ASPG: variants seen among roughly 807,000 people sequenced by gnomAD.
The protein encoded by ASPG is asparaginase.
In ASPG, 53 loss-of-function variants were observed where a neutral mutation model predicts 63.2. The observed-to-expected ratio is 0.84, with a 90% CI of 0.67 to 1.05. ASPG has a LOEUF of 1.05. ASPG is among the 50% of genes least tolerant of loss of function. The pLI is 0.00. For missense variants in ASPG, 741 were observed against 794.4 expected, an observed-to-expected ratio of 0.93 and a Z score of 0.81; for synonymous variants, 370 against 355.0, an observed-to-expected ratio of 1.04 and a Z score of -0.48.
chr14:104,109,108 G>A lies in ASPG; in HGVS notation c.1434-121G>A. 1.3e-6 allele frequency: 2 copies of A among 1,511,732 alleles called. No homozygotes were observed. Among genetic ancestry groups the A allele is most frequent in the Non-Finnish European group, 1.8e-6 (2 of 1,130,730 alleles). The allele number at this position is 1,511,732 out of a possible 1,614,324, so 93.6% of individuals were successfully genotyped here. On this transcript the variant is annotated intron_variant, in intron 12 of 15. Coordinates refer to ENST00000551177, the MANE Select transcript of ASPG (RefSeq NM_001080464.3). The surrounding 1 kb of genome is among the most constrained non-coding windows in gnomAD (Gnocchi z 4.8). ...CCCTTGTCTGAGGCTAGGGCTGTGG[G>A]GTCTTGGGCCGGCCGGTCCCCGTCC...
Position 104,109,082 on chromosome 14 carries a change from G to T in ASPG, c.1434-147G>T, listed in dbSNP as rs1371702831. Reference sequence around the variant, plus strand: ...GCCTAGGCAGAGGATGGGGGGATGGGCCCTTGTCTGAGGCTAGGGCTGTGG... The same window carrying T: ...GCCTAGGCAGAGGATGGGGGGATGGTCCCTTGTCTGAGGCTAGGGCTGTGG... On this transcript the variant is annotated intron_variant, in intron 12 of 15. Coordinates refer to ENST00000551177, the MANE Select transcript of ASPG (RefSeq NM_001080464.3). The surrounding 1 kb of genome is among the most constrained non-coding windows in gnomAD (Gnocchi z 4.8). 1 of 1,476,762 alleles carries T rather than the reference G, an allele frequency of 6.8e-7. No homozygotes were observed. Among genetic ancestry groups the T allele is most frequent in the Non-Finnish European group, 9.0e-7 (1 of 1,114,606 alleles). The allele number at this position is 1,476,762 out of a possible 1,614,324, so 91.5% of individuals were successfully genotyped here.
In ASPG at chr14:104,111,601, C is replaced by T. The variant is rs749462554; in HGVS notation, c.1620C>T (p.Val540=). The T allele has an allele frequency of 7.1e-6, 11 of 1,549,198 alleles. No individual in the cohort carries two copies. The highest frequency in any genetic ancestry group is 2.4e-5 in the East Asian group (1 of 40,926). ...ATGACGGGCACAGCGCCCTGCACGT[C>T]GTGAGTGCCCCCACCCCCTGCACCC... The part of the protein sequence containing the change: ...PGYDGHSALH[V]AEAAGNLAVV... Residue 540 remains valine (V), a splice_region_variant and synonymous_variant, in exon 14 of 16, where the codon GTC becomes GTT. Transcript: ENST00000551177.
At position 104,110,049 on chromosome 14, in the gene ASPG, G is replaced by C; in HGVS notation, c.1520+734G>C. On this transcript the variant is annotated intron_variant, in intron 13 of 15. Coordinates refer to ENST00000551177, the MANE Select transcript of ASPG (RefSeq NM_001080464.3). This position sits in a 1 kb window ranked among gnomAD's most constrained non-coding sequence, Gnocchi z 4.7. The stretch of plus-strand genomic sequence containing the variant: ...CGCTGCCCCCCACCCCATGCCTTGT[G>C]CCTGGTGACTTGGCGCTGCCTCCTG... 1.0e-6 allele frequency: 1 copy of C among 985,428 alleles called. No individual in the cohort carries two copies. Among genetic ancestry groups the C allele is most frequent in the Non-Finnish European group, 1.2e-6 (1 of 829,914 alleles). The allele number at this position is 985,428 out of a possible 1,614,324, so 61.0% of individuals were successfully genotyped here. A position where few individuals can be genotyped will look rare whatever the true frequency, so the allele number is the denominator to read the frequency against.
intron 10 of ASPG, among the ~76,000 whole-genome samples, chr14:104,106,129 T>TGGAAA (rs1211781044): frequency 6.6e-6 from 1 of 152,220 alleles, no homozygotes; most frequent in Non-Finnish European, 1.5e-5. Context: ...GATGGGCAGA[T>TGGAAA]GGAAAGGACT....
chr14:104,101,319 A>G (rs2036865405), intron 6 of ASPG, among the ~76,000 whole-genome samples: 3 of 152,124 alleles, frequency 2.0e-5, no homozygotes, highest in African/African-American at 7.2e-5. Context: ...GGGGGTAGCA[A>G]TGCCGGCCTG....
intron 6 of ASPG, among the ~76,000 whole-genome samples, chr14:104,101,230 T>A (rs1472411572): frequency 1.3e-5 from 2 of 152,170 alleles, no homozygotes; most frequent in Non-Finnish European, 2.9e-5. Flanking sequence ...CCTCAGGCCT[T>A]GCCCAGGGCG....
At chr14:104,098,737 A>G (rs1472833450) in intron 5 of ASPG, 116 bp from the exon 6 acceptor site, 4 of 1,482,430 alleles carry the variant, frequency 2.7e-6, no homozygotes, top group Non-Finnish European at 3.6e-6. Flanking sequence ...GTGGGGTTAC[A>G]GTCCCACCTC....
At position 104,104,695 on chromosome 14, in the gene ASPG, T is replaced by C; in HGVS notation, c.1010T>C (p.Val337Ala). The change falls in exon 9 of 16, where the codon GTG (valine) becomes GCG (alanine). Residue 337 changes from valine (V) to alanine (A), a missense_variant. Val to Ala is a moderately conservative substitution (Grantham distance 64). Transcript: ENST00000551177. ...GCCGCCCTGGCCAAGCTATCGTATG[T>C]GCTGGGCCAGCCAGGGCTGAGCCTG... Reference protein sequence around the residue: ...SEAALAKLSYVLGQPGLSLDV... With the variant: ...SEAALAKLSYALGQPGLSLDV... The C allele has an allele frequency of 6.2e-7, 1 of 1,610,062 alleles. No individual in the cohort carries two copies. Among genetic ancestry groups the C allele is most frequent in the Non-Finnish European group, 8.5e-7 (1 of 1,178,044 alleles).
At position 104,106,877 on chromosome 14, in the gene ASPG, C is replaced by T. The variant is rs1414332500; in HGVS notation, c.1252C>T (p.Gln418Ter). ...CCACGCCGGTGACGTGGAGGCGCTG[C>T]AGGCGCTTGTGGAGCTGGTGAGCCT... Reference protein sequence around the residue: ...AAHAGDVEALQALVELGSDLG... With the variant: ...AAHAGDVEAL The change falls in exon 11 of 16, where the codon CAG (glutamine) becomes TAG (stop). Residue 418 changes from glutamine to a stop codon, truncating the protein, a stop_gained. Coordinates refer to ENST00000551177, the MANE Select transcript of ASPG (RefSeq NM_001080464.3). LOFTEE classifies it high-confidence loss of function. 3.7e-5 allele frequency: 58 copies of T among 1,584,608 alleles called. No individual in the cohort carries two copies. The highest frequency in any genetic ancestry group is 4.8e-5 in the Non-Finnish European group (56 of 1,168,288).
Position 104,110,194 on chromosome 14 carries a change from G to C in ASPG, c.1520+879G>C. The C allele has an allele frequency of 1.0e-6, 1 of 985,252 alleles. No individual in the cohort carries two copies. The highest frequency in any genetic ancestry group is 1.2e-6 in the Non-Finnish European group (1 of 829,866). The allele number at this position is 985,252 out of a possible 1,614,324, so 61.0% of individuals were successfully genotyped here. On this transcript the variant is annotated intron_variant, in intron 13 of 15. Transcript: ENST00000551177. This position sits in a 1 kb window ranked among gnomAD's most constrained non-coding sequence, Gnocchi z 4.7. ...TGGGGTGGGGGTGCTGTGAGTGGTGGGGTCTGTGCGCCTGTAAGTCCAGAG... is the reference window on the plus strand; with the variant it reads ...TGGGGTGGGGGTGCTGTGAGTGGTGCGGTCTGTGCGCCTGTAAGTCCAGAG...
Position 104,097,608 on chromosome 14 carries a change from C to T in ASPG, c.484C>T (p.Leu162Phe). The change falls in exon 5 of 16, where the codon CTC becomes TTC. Residue 162 changes from leucine to phenylalanine, a missense_variant. Leu to Phe is a conservative substitution (Grantham distance 22). Coordinates refer to ENST00000551177, the MANE Select transcript of ASPG (RefSeq NM_001080464.3). The stretch of plus-strand genomic sequence containing the variant: ...CCGTGAGAACCTGCTGGGGGCACTG[C>T]TCATGGCTGGCCAGTATGTGATCCC... ...DGRENLLGALLMAGQYVIPEV... is the reference protein window; with the variant it reads ...DGRENLLGALFMAGQYVIPEV... 6.4e-7 allele frequency: 1 copy of T among 1,565,452 alleles called. No homozygotes were observed. Among genetic ancestry groups the T allele is most frequent in the African/African-American group, 1.4e-5 (1 of 73,814 alleles).
rs773852706 is a variant in ASPG, at chr14:104,112,632, G to T, written c.*88G>T. The T allele has an allele frequency of 8.3e-6, 13 of 1,565,076 alleles. No individual in the cohort carries two copies. In the East Asian group the frequency reaches 2.6e-4, roughly 31 times the overall value. ...CAGGCATGACCCCACTGCTGGGGCT[G>T]CTTCCCAGCCTGCTCTCATGTAAAG... On this transcript the variant is annotated 3_prime_UTR_variant, in exon 16 of 16. Transcript: ENST00000551177.
Position 104,111,923 on chromosome 14 carries a change from G to T in ASPG, c.1624G>T (p.Glu542Ter). ...CCTCCCCACTGCTTCCCCATAGGCA[G>T]AGGCAGCCGGGAACCTGGCAGTGGT... Reference protein sequence around the residue: ...YDGHSALHVAEAAGNLAVVAF... With the variant: ...YDGHSALHVA Residue 542 changes from glutamate (E) to a stop codon, truncating the protein, a stop_gained, in exon 15 of 16, where the codon GAG becomes TAG. Coordinates refer to ENST00000551177, the MANE Select transcript of ASPG (RefSeq NM_001080464.3). LOFTEE classifies it high-confidence loss of function. The T allele has an allele frequency of 6.4e-7, 1 of 1,553,884 alleles. No individual in the cohort carries two copies. The highest frequency in any genetic ancestry group is 8.7e-7 in the Non-Finnish European group (1 of 1,148,354).
chr14:104,105,975 G>C (rs549462544), intron 10 of ASPG, among the ~76,000 whole-genome samples: 32 of 152,244 alleles, frequency 2.1e-4, no homozygotes, highest in Non-Finnish European at 3.7e-4. Flanking sequence ...AAACATCCAG[G>C]CCTGACATGG....
intron 9 of ASPG, 126 bp from the exon 10 acceptor site, chr14:104,105,202 C>T: frequency 6.9e-7 from 1 of 1,453,692 alleles, no homozygotes; most frequent in Non-Finnish European, 9.5e-7. Context: ...AGGGATGAAG[C>T]ACACACGGCC....
At chr14:104,112,025 T>C (rs1416062861) in intron 15 of ASPG, 25 bp downstream of exon 15, 8 of 1,542,820 alleles carry the variant, frequency 5.2e-6, no homozygotes, top group Non-Finnish European at 7.0e-6. Flanking sequence ...CAGGCGGGGC[T>C]GACACCCCCC....
rs963272714 is a variant in ASPG at position 104,110,064 on chromosome 14, G to A, written c.1520+749G>A. The stretch of plus-strand genomic sequence containing the variant: ...CATGCCTTGTGCCTGGTGACTTGGC[G>A]CTGCCTCCTGTGCCCAGCCTGGGCT... On this transcript the variant is annotated intron_variant, in intron 13 of 15. Coordinates refer to ENST00000551177, the MANE Select transcript of ASPG (RefSeq NM_001080464.3). The surrounding 1 kb of genome is among the most constrained non-coding windows in gnomAD (Gnocchi z 4.7). 132 of 985,276 alleles carry A rather than the reference G, an allele frequency of 1.3e-4. No individual in the cohort carries two copies. Among genetic ancestry groups the A allele is most frequent in the Non-Finnish European group, 1.5e-4 (127 of 829,918 alleles). 61.0% of individuals were successfully genotyped at this position (985,276 alleles called of 1,614,324 possible).
At chr14:104,112,366 C>T (rs1248914051) in intron 15 of ASPG, 158 bp from the exon 16 acceptor site, 1 of 667,896 alleles carries the variant, frequency 1.5e-6, no homozygotes, top group Non-Finnish European at 2.8e-6. Context: ...CAGCTGACAC[C>T]CCCATTCCCA....
chr14:104,097,002 G>A (rs1474088331), intron 4 of ASPG, among the ~76,000 whole-genome samples: 2 of 152,242 alleles, frequency 1.3e-5, no homozygotes, highest in African/African-American at 2.4e-5. Flanking sequence ...GGGAGGAGCT[G>A]TACTGTGCCT....
Sources: allele counts gnomAD v4.1 joint callset (sites outside exome capture counted in the v4.1 genomes callset), GRCh38; gene constraint gnomAD v4.1.1; non-coding constraint Gnocchi (gnomAD v3.1); transcripts MANE v1.5; gene names NCBI Gene and HGNC (gene_info 2026-07-23, HGNC 2026-07-21).